The following RAD17 variants were observed in gnomAD, a reference collection of about 807,000 sequenced individuals.
RAD17 encodes RAD17 checkpoint clamp loader component.
In RAD17, 31 loss-of-function variants were observed where a neutral mutation model predicts 81.5. The observed-to-expected ratio is 0.38, with a 90% CI of 0.29 to 0.51. RAD17 has a LOEUF of 0.51. Ranked by LOEUF, RAD17 falls within the 20% of genes least tolerant of loss-of-function variation. RAD17 has a pLI of 0.88. For missense variants in RAD17, 681 were observed against 781.2 expected, an observed-to-expected ratio of 0.87 and a Z score of 1.53; for synonymous variants, 261 against 266.2, an observed-to-expected ratio of 0.98 and a Z score of 0.19.
chr5:69,372,935 T>C (rs1763097662), intron 4 of RAD17, among the ~76,000 whole-genome samples: 1 of 152,124 alleles, frequency 6.6e-6, no homozygotes, highest in Non-Finnish European at 1.5e-5. Context: ...TGAGTGACAG[T>C]TCCCCCTCTG....
At chr5:69,409,824 T>C (rs1765854994) in intron 17 of RAD17, among the ~76,000 whole-genome samples, 1 of 152,216 alleles carries the variant, frequency 6.6e-6, no homozygotes, top group African/African-American at 2.4e-5. Flanking sequence ...ACTATTAGCA[T>C]TAATTCCCCA....
intron 8 of RAD17, among the ~76,000 whole-genome samples, chr5:69,385,757 A>G (rs1004801953): frequency 6.6e-6 from 1 of 152,198 alleles, no homozygotes; most frequent in Non-Finnish European, 1.5e-5. Context: ...AATGTTATAA[A>G]TTTTAATGGT....
At chr5:69,405,680 A>C (rs1765553816) in intron 17 of RAD17, among the ~76,000 whole-genome samples, 1 of 151,998 alleles carries the variant, frequency 6.6e-6, no homozygotes, top group Non-Finnish European at 1.5e-5. Context: ...AAACAAACAA[A>C]AAAAAAACTC....
chr5:69,404,032 A>T (rs1371084113), intron 17 of RAD17, among the ~76,000 whole-genome samples: 2 of 152,156 alleles, frequency 1.3e-5, no homozygotes, highest in Non-Finnish European at 2.9e-5. Context: ...TGTTTTGAAG[A>T]TTAGCACCAC....
chr5:69,405,549 C>T (rs1004382834), intron 17 of RAD17, among the ~76,000 whole-genome samples: 12 of 152,090 alleles, frequency 7.9e-5, no homozygotes, highest in African/African-American at 2.9e-4. Context: ...TGCCTGTAAT[C>T]CCAGCTACTT....
In RAD17 at chr5:69,386,298, A is replaced by C. The variant is rs148829042; in HGVS notation, c.817A>C (p.Asn273His). The C allele has an allele frequency of 6.3e-7, 1 of 1,593,932 alleles. No individual in the cohort carries two copies. ...AATTCAGGAAGAGTGTTCTATCTCA[A>C]ATATTAGGTAAGAAAGAAATTTCTG... Reference protein sequence around the residue: ...KEIQEECSISNISFNPVAPTI... With the variant: ...KEIQEECSISHISFNPVAPTI... Residue 273 changes from asparagine to histidine, a missense_variant, in exon 10 of 19, where the codon AAT (asparagine) becomes CAT (histidine). Transcript: ENST00000354868.
chr5:69,409,776 T>C (rs1032858959), intron 17 of RAD17, among the ~76,000 whole-genome samples: 8 of 152,222 alleles, frequency 5.3e-5, no homozygotes, highest in Non-Finnish European at 1.0e-4. Context: ...GCAACCAGTT[T>C]CCGAAACTTT....
rs914100119 is a variant in RAD17 at position 69,371,451 on chromosome 5, C to G, written c.-279-3C>G. 7.7e-5 allele frequency: 18 copies of G among 232,740 alleles called. No homozygotes were observed. The highest frequency in any genetic ancestry group is 1.9e-4 in the East Asian group (2 of 10,524). 14.4% of individuals were successfully genotyped at this position (232,740 alleles called of 1,614,324 possible). A position where few individuals can be genotyped will look rare whatever the true frequency, so the allele number is the denominator to read the frequency against. Reference sequence around the variant, plus strand: ...GAGGGCTTCTTCCCCCCCCCCCCCCCAGGTGAATTATAGTTTAATGTACTG... The same window carrying G: ...GAGGGCTTCTTCCCCCCCCCCCCCCGAGGTGAATTATAGTTTAATGTACTG... On this transcript the variant is annotated splice_polypyrimidine_tract_variant and splice_region_variant and intron_variant, in intron 2 of 18. Transcript: ENST00000354868.
chr5:69,373,227 A>G (rs189877439), intron 4 of RAD17, among the ~76,000 whole-genome samples: 46 of 152,124 alleles, frequency 3.0e-4, no homozygotes, highest in Non-Finnish European at 4.4e-4. Flanking sequence ...TTATGTTTCA[A>G]TCCTACAGAG....
intron 3 of RAD17, 61 bp downstream of exon 3, chr5:69,371,618 ATATT>A (rs1373199778): frequency 4.7e-5 from 43 of 912,972 alleles, no homozygotes; most frequent in Non-Finnish European, 5.9e-5. Flanking sequence ...ATTTTTATAT[ATATT>A]CTTAATAACT....
In RAD17 at chr5:69,404,701, G is replaced by A. The variant is rs563022964; in HGVS notation, c.1693+4532G>A. On this transcript the variant is annotated intron_variant, in intron 17 of 18. Coordinates refer to ENST00000354868, the MANE Select transcript of RAD17 (RefSeq NM_133338.3). ...GGAGAATTGCTTGAACCCGGGAGGCGGAGGTTGCCATGAGCCGAGTTTGCA... is the reference window on the plus strand; with the variant it reads ...GGAGAATTGCTTGAACCCGGGAGGCAGAGGTTGCCATGAGCCGAGTTTGCA... Among the ~76,000 whole-genome samples the A allele has an allele frequency of 1.1e-4, 16 of 151,466 alleles. 1 individual carries two copies. The East Asian group carries it at 2.3e-3, about 22-fold the overall frequency.
intron 6 of RAD17, among the ~76,000 whole-genome samples, chr5:69,378,553 T>A (rs1450491454): frequency 6.6e-6 from 1 of 152,230 alleles, no homozygotes; most frequent in African/African-American, 2.4e-5. Context: ...GGTAGTTATG[T>A]TCTGTAAAGT....
intron 16 of RAD17, among the ~76,000 whole-genome samples, chr5:69,396,921 C>T (rs1270968652): frequency 6.6e-6 from 1 of 152,176 alleles, no homozygotes; most frequent in Admixed American, 6.5e-5. Flanking sequence ...CAACCTCCGC[C>T]TCCCGGGTTC....
chr5:69,400,727 A>C, intron 17 of RAD17, among the ~76,000 whole-genome samples: 1 of 151,758 alleles, frequency 6.6e-6, no homozygotes, highest in Middle Eastern at 3.2e-3. Context: ...GGAGGTTAGG[A>C]GTTCGAGACC....
chr5:69,403,415 T>A (rs1027501103), intron 17 of RAD17, among the ~76,000 whole-genome samples: 1 of 152,162 alleles, frequency 6.6e-6, no homozygotes, highest in African/African-American at 2.4e-5. Context: ...TTAAAAAAAA[T>A]TGGCAAGGAG....
Position 69,373,866 on chromosome 5 carries a change from C to T in RAD17, c.46C>T (p.Leu16=), listed in dbSNP as rs1561233653. The T allele has an allele frequency of 1.9e-6, 3 of 1,607,290 alleles. No homozygotes were observed. Among genetic ancestry groups the T allele is most frequent in the Non-Finnish European group, 1.7e-6 (2 of 1,176,564 alleles). Residue 16 remains leucine, a synonymous_variant, in exon 5 of 19, where the codon CTA becomes TTA. Coordinates refer to ENST00000354868, the MANE Select transcript of RAD17 (RefSeq NM_133338.3). The stretch of plus-strand genomic sequence containing the variant: ...GGTTGACCCATCATTTGATGATTTT[C>T]TAGAGTGTAGTGGCGTCTCTACTAT... The part of the protein sequence containing the change: ...DWVDPSFDDF[L]ECSGVSTITA...
At chr5:69,410,447 A>AT (rs774173404) in intron 17 of RAD17, 46 bp from the exon 18 acceptor site, 2 of 1,500,236 alleles carry the variant, frequency 1.3e-6, no homozygotes, top group Non-Finnish European at 1.8e-6. Flanking sequence ...CCATTTGTAT[A>AT]TTTTCTTTGG....
chr5:69,378,120 T>C (rs1019739175), intron 6 of RAD17, among the ~76,000 whole-genome samples: 1 of 152,172 alleles, frequency 6.6e-6, no homozygotes, highest in African/African-American at 2.4e-5. Context: ...ACCATTTATT[T>C]TACAGAAGTT....
intron 17 of RAD17, among the ~76,000 whole-genome samples, chr5:69,403,139 C>CT (rs777507473): frequency 3.9e-5 from 6 of 152,180 alleles, no homozygotes; most frequent in Non-Finnish European, 8.8e-5. Flanking sequence ...GCACCCAGCC[C>CT]TAATAATCTC....
Sources: gnomAD v4.1 joint callset for allele counts (sites outside exome capture counted in the v4.1 genomes callset) on GRCh38, gnomAD v4.1.1 for gene constraint, MANE v1.5 for transcripts, NCBI Gene and HGNC (gene_info 2026-07-23, HGNC 2026-07-21) for gene names.